Variants in YY1AP1 observed in about 807,000 individuals in gnomAD.
YY1AP1 encodes the protein YY1 associated protein 1.
Under a neutral mutation model 39.9 loss-of-function variants are expected in YY1AP1, and 43 were observed. The ratio of observed to expected loss-of-function variants is 1.08; its 90% CI spans 0.84 to 1.39. The LOEUF is 1.39. Ranked by LOEUF, YY1AP1 falls within the 40% of genes most tolerant of loss-of-function variation. YY1AP1 has a pLI of 0.00. For synonymous variants in YY1AP1, 292 were observed against 331.3 expected (o/e 0.88, Z 1.29); for missense variants, 813 against 900.7 (o/e 0.90, Z 1.25).
intron 5 of YY1AP1, among the ~76,000 whole-genome samples, chr1:155,675,369 T>C (rs1650498634): frequency 6.6e-6 from 1 of 151,930 alleles, no homozygotes; most frequent in Non-Finnish European, 1.5e-5. Flanking sequence ...GCACTGACTT[T>C]TGGGCTGGAG....
chr1:155,660,877 T>C lies in YY1AP1; in HGVS notation c.1033A>G (p.Met345Val), dbSNP rs1571309109. 3 of 1,614,206 alleles carry C rather than the reference T, an allele frequency of 1.9e-6. No individual in the cohort carries two copies. Among genetic ancestry groups the C allele is most frequent in the Non-Finnish European group, 8.5e-7 (1 of 1,180,040 alleles). ...LPSIQEELRH[M>V]ADGAREVGNM... ...CCTACCTCTCTAGCACCATCAGCCA[T>C]GTGCCGCAGTTCTTCCTGGATGGAT... The change falls in exon 11 of 11, where the codon ATG (methionine) becomes GTG (valine). Residue 345 changes from methionine to valine, a missense_variant. By Grantham distance (21) the Met-to-Val change is conservative. Coordinates refer to ENST00000355499, the MANE Select transcript of YY1AP1 (RefSeq NM_139119.3).
chr1:155,674,160 CAAAAAAAAAAA>C (rs59337809), intron 6 of YY1AP1, among the ~76,000 whole-genome samples: 20 of 73,614 alleles, frequency 2.7e-4, no homozygotes, highest in South Asian at 8.0e-4. Flanking sequence ...GACTCCGTCT[CAAAAAAAAAAA>C]AAAAAAAAAA....
intron 2 of YY1AP1, among the ~76,000 whole-genome samples, chr1:155,684,711 G>C (rs1315223361): frequency 6.6e-6 from 1 of 151,740 alleles, no homozygotes; most frequent in Non-Finnish European, 1.5e-5. Flanking sequence ...TCAGCTTCCC[G>C]AGTAGCTGGG....
At chr1:155,686,861 C>A (rs901686904) in intron 2 of YY1AP1, among the ~76,000 whole-genome samples, 1 of 151,982 alleles carries the variant, frequency 6.6e-6, no homozygotes, top group Non-Finnish European at 1.5e-5. Flanking sequence ...TACAAGCCAA[C>A]CAGTCTTATG....
chr1:155,688,857 C>A, upstream of YY1AP1: 1 of 1,600,450 alleles, frequency 6.2e-7, no homozygotes, highest in Non-Finnish European at 8.5e-7. Context: ...GAGGAAGGGA[C>A]CGGCAAAGCG....
chr1:155,686,722 G>A (rs1652441990), intron 2 of YY1AP1, among the ~76,000 whole-genome samples: 1 of 152,202 alleles, frequency 6.6e-6, no homozygotes, highest in African/African-American at 2.4e-5. Context: ...AACCTTAAGT[G>A]TCAGAAATGC....
chr1:155,661,107 C>T (rs1410895956), intron 10 of YY1AP1, 194 bp from the exon 11 acceptor site: 2 of 1,495,768 alleles, frequency 1.3e-6, no homozygotes, highest in Non-Finnish European at 1.8e-6. Flanking sequence ...AGCAAATTAC[C>T]ATTTTACCCA....
intron 1 of YY1AP1, 180 bp from the exon 2 acceptor site, chr1:155,688,381 G>A (rs1571387000): frequency 5.8e-6 from 9 of 1,543,732 alleles, no homozygotes; most frequent in Non-Finnish European, 7.0e-6. Flanking sequence ...GGGAGCTAAG[G>A]GCGCCTAGCG....
chr1:155,688,287 G>A (rs762279159), intron 1 of YY1AP1, 86 bp from the exon 2 acceptor site: 2 of 1,582,502 alleles, frequency 1.3e-6, no homozygotes, highest in South Asian at 1.1e-5. Flanking sequence ...ACCGACACTG[G>A]GATCGTTTCC....
chr1:155,672,398 G>C (rs145499014), intron 7 of YY1AP1, 162 bp downstream of exon 7: 3 of 835,636 alleles, frequency 3.6e-6, no homozygotes, highest in African/African-American at 3.4e-5. Flanking sequence ...CTAGAACTTG[G>C]ATAATGAGTA....
intron 2 of YY1AP1, among the ~76,000 whole-genome samples, chr1:155,687,618 G>A (rs402419): frequency 7.2e-6 from 1 of 138,798 alleles, no homozygotes; most frequent in Non-Finnish European, 1.5e-5. Flanking sequence ...TTTATTAAAC[G>A]TACAACACTG....
At chr1:155,683,344 G>T (rs1651782735) in intron 2 of YY1AP1, among the ~76,000 whole-genome samples, 1 of 151,346 alleles carries the variant, frequency 6.6e-6, no homozygotes, top group East Asian at 2.0e-4. Context: ...AAAATGAGGT[G>T]GTTTAATGAA....
At chr1:155,662,952 C>G (rs140049783) in intron 9 of YY1AP1, among the ~76,000 whole-genome samples, 3,344 of 152,212 alleles carry the variant, frequency 0.022, 114 homozygotes, top group African/African-American at 0.076. Context: ...TTGCAGTGAG[C>G]CAAGACTGCA....
upstream of YY1AP1, chr1:155,688,882 T>C: frequency 6.2e-7 from 1 of 1,610,978 alleles, no homozygotes; most frequent in Non-Finnish European, 8.5e-7. Flanking sequence ...TGGCTTGCCG[T>C]TTGACTGGAA....
At chr1:155,666,717 T>C (rs554229458) in intron 9 of YY1AP1, among the ~76,000 whole-genome samples, 1 of 152,240 alleles carries the variant, frequency 6.6e-6, no homozygotes, top group African/African-American at 2.4e-5. Flanking sequence ...AAAAAGTTTT[T>C]TGCCAGGCAC....
Position 155,675,116 on chromosome 1 carries a change from AATGC to A in YY1AP1, c.325-24_325-21del. On this transcript the variant is annotated intron_variant, in intron 5 of 10. Transcript: ENST00000355499. ...AACATGCTGGGGAGAGAAAGAAAATAATGCAGTGATATGTTATGACACTGCCATT... is the reference window on the plus strand; with the variant it reads ...AACATGCTGGGGAGAGAAAGAAAATAAGTGATATGTTATGACACTGCCATT... The A allele has an allele frequency of 6.2e-7, 1 of 1,608,338 alleles. No homozygotes were observed. Among genetic ancestry groups the A allele is most frequent in the Non-Finnish European group, 8.5e-7 (1 of 1,175,566 alleles).
intron 5 of YY1AP1, among the ~76,000 whole-genome samples, chr1:155,676,049 T>C (rs1280428354): frequency 6.6e-6 from 1 of 151,948 alleles, no homozygotes; most frequent in African/African-American, 2.4e-5. Context: ...CAGTGAACCC[T>C]GTCTCTACTA....
upstream of YY1AP1, chr1:155,688,930 C>G (rs771789810): frequency 1.2e-6 from 2 of 1,613,134 alleles, no homozygotes; most frequent in African/African-American, 2.7e-5. Context: ...GACAACCTAC[C>G]TCCCTGGGTT....
chr1:155,688,841 G>T, upstream of YY1AP1: 2 of 1,587,914 alleles, frequency 1.3e-6, no homozygotes, highest in South Asian at 1.1e-5. Context: ...GGCTGCAGGG[G>T]CAGGAGAGGA....
Sources: gnomAD v4.1 joint callset for allele counts (sites outside exome capture counted in the v4.1 genomes callset) on GRCh38, gnomAD v4.1.1 for gene constraint, MANE v1.5 for transcripts, NCBI Gene and HGNC (gene_info 2026-07-23, HGNC 2026-07-21) for gene names.